Variants in CDK5RAP2 observed in about 807,000 individuals in gnomAD.
CDK5RAP2 encodes CDK5 regulatory subunit-associated protein 2.
In CDK5RAP2, 147 loss-of-function variants were observed where a neutral mutation model predicts 232.9. That is an observed-to-expected ratio of 0.63 (90% CI 0.55 to 0.72). CDK5RAP2 has a LOEUF of 0.72. Ranked by LOEUF, CDK5RAP2 falls within the 30% of genes least tolerant of loss-of-function variation. The probability of loss-of-function intolerance (pLI) is 0.00; values close to 1 mark genes in which losing one functional copy is unlikely to be tolerated. For missense variants in CDK5RAP2, 2,195 were observed against 2,231.5 expected (o/e 0.98, Z 0.33); for synonymous variants, 833 against 833.7 (o/e 1.00, Z 0.01).
chr9:120,446,585 A>G (rs1050812261), intron 22 of CDK5RAP2, among the ~76,000 whole-genome samples: 1 of 152,086 alleles, frequency 6.6e-6, no homozygotes, highest in Non-Finnish European at 1.5e-5. Context: ...AAACCCTCCA[A>G]AAGTTTCCAA....
At chr9:120,401,699 T>C (rs2033032739) in intron 34 of CDK5RAP2, among the ~76,000 whole-genome samples, 1 of 151,038 alleles carries the variant, frequency 6.6e-6, no homozygotes. Context: ...AATGAAAATA[T>C]CTGGGCTGGG....
intron 3 of CDK5RAP2, among the ~76,000 whole-genome samples, chr9:120,558,148 G>A (rs928418049): frequency 1.0e-4 from 15 of 147,300 alleles, no homozygotes; most frequent in Admixed American, 6.7e-4. Context: ...GCCGAGGCAG[G>A]CAGATCATGA....
intron 27 of CDK5RAP2, 68 bp from the exon 28 acceptor site, chr9:120,415,227 T>C (rs1032514780): frequency 1.6e-5 from 25 of 1,564,540 alleles, no homozygotes; most frequent in Non-Finnish European, 2.2e-5. Context: ...TTATGGATTA[T>C]GCAGGGATCC....
At chr9:120,542,329 AC>A (rs2041667595) in intron 5 of CDK5RAP2, among the ~76,000 whole-genome samples, 1 of 152,078 alleles carries the variant, frequency 6.6e-6, no homozygotes, top group Non-Finnish European at 1.5e-5. Context: ...ACATGGTGAA[AC>A]CCTGTCTCTA....
Position 120,407,091 on chromosome 9 carries a change from C to T in CDK5RAP2, c.4884G>A (p.Glu1628=). The change falls in exon 32 of 38, where the codon GAG becomes GAA. Residue 1628 remains glutamate, a synonymous_variant. Coordinates refer to ENST00000349780, the MANE Select transcript of CDK5RAP2 (RefSeq NM_018249.6). ...RLKEQLARGA[E]KAQEGALTLA... Reference sequence around the variant, plus strand: ...GAGTGAGGGCTCCTTCCTGTGCCTTCTCTGCCCCCCTTGCCAGCTGTTCCT... The same window carrying T: ...GAGTGAGGGCTCCTTCCTGTGCCTTTTCTGCCCCCCTTGCCAGCTGTTCCT... 6.2e-7 allele frequency: 1 copy of T among 1,614,134 alleles called. No homozygotes were observed. Among genetic ancestry groups the T allele is most frequent in the Non-Finnish European group, 8.5e-7 (1 of 1,180,044 alleles).
intron 3 of CDK5RAP2, among the ~76,000 whole-genome samples, chr9:120,560,624 C>CT (rs1179629785): frequency 7.9e-5 from 12 of 151,278 alleles, no homozygotes; most frequent in South Asian, 2.1e-4. Flanking sequence ...GGTATTGTCT[C>CT]TTTTTTTTTG....
At chr9:120,438,572 T>C (rs549060742) in intron 24 of CDK5RAP2, among the ~76,000 whole-genome samples, 2 of 152,324 alleles carry the variant, frequency 1.3e-5, no homozygotes, top group South Asian at 2.1e-4. Context: ...GAATGTTCTC[T>C]GCCAAGTCAC....
intron 5 of CDK5RAP2, 104 bp from the exon 6 acceptor site, chr9:120,539,268 G>T: frequency 7.2e-7 from 1 of 1,392,064 alleles, no homozygotes; most frequent in Non-Finnish European, 1.0e-6. Context: ...TTCTCCCACA[G>T]ACCTGTGCTG....
At position 120,537,395 on chromosome 9, in the gene CDK5RAP2, G is replaced by A. The variant is rs1052446595; in HGVS notation, c.508-869C>T. Among the ~76,000 whole-genome samples, 6 of 152,036 alleles carry A rather than the reference G, an allele frequency of 3.9e-5. No homozygotes were observed. The South Asian group carries it at 1.0e-3, about 26-fold the overall frequency. On this transcript the variant is annotated intron_variant, in intron 6 of 37. Coordinates refer to ENST00000349780, the MANE Select transcript of CDK5RAP2 (RefSeq NM_018249.6). ...CCCTGCCCTTGCCCTCCACAGTGCC[G>A]CCCCCACCACTATCTCCCCAAGGGG... is the stretch of plus-strand genomic sequence containing the variant.
intron 15 of CDK5RAP2, 134 bp downstream of exon 15, chr9:120,477,216 T>C: frequency 1.3e-6 from 1 of 752,154 alleles, no homozygotes; most frequent in South Asian, 1.4e-5. Context: ...CCAAGCTTTA[T>C]AAGCTCCATA....
chr9:120,413,932 C>A (rs930809991), intron 28 of CDK5RAP2, among the ~76,000 whole-genome samples: 22 of 152,214 alleles, frequency 1.4e-4, no homozygotes, highest in Middle Eastern at 3.4e-3. Flanking sequence ...GATGTCCCTC[C>A]CGGCTGGTAG....
At chr9:120,544,449 A>G (rs905740820) in intron 5 of CDK5RAP2, among the ~76,000 whole-genome samples, 2 of 152,256 alleles carry the variant, frequency 1.3e-5, no homozygotes, top group Non-Finnish European at 2.9e-5. Context: ...TTCAGAAAAT[A>G]CCAAGTGTGC....
At chr9:120,414,958 T>C (rs551387515) in intron 28 of CDK5RAP2, 82 bp downstream of exon 28, 8 of 1,508,688 alleles carry the variant, frequency 5.3e-6, no homozygotes, top group African/African-American at 2.7e-5. Context: ...ACCTGCTTTG[T>C]ACACAGATGC....
At chr9:120,459,175 C>T (rs544820839) in intron 19 of CDK5RAP2, among the ~76,000 whole-genome samples, 284 of 152,310 alleles carry the variant, frequency 1.9e-3, no homozygotes, top group Middle Eastern at 3.4e-3. Context: ...TGATCTTTCA[C>T]ATTAGGAAGA....
intron 12 of CDK5RAP2, among the ~76,000 whole-genome samples, chr9:120,500,161 A>G (rs1172186294): frequency 2.0e-5 from 3 of 152,344 alleles, no homozygotes; most frequent in Non-Finnish European, 4.4e-5. Context: ...AAGATACCAC[A>G]TGATCGTTAT....
At chr9:120,402,217 T>C (rs558271791) in intron 34 of CDK5RAP2, among the ~76,000 whole-genome samples, 34 of 151,330 alleles carry the variant, frequency 2.2e-4, no homozygotes, top group Non-Finnish European at 4.3e-4. Flanking sequence ...TGCTTGAGCC[T>C]AGGAGGTGGG....
At chr9:120,500,885 G>T (rs899527574) in intron 12 of CDK5RAP2, among the ~76,000 whole-genome samples, 3 of 152,146 alleles carry the variant, frequency 2.0e-5, no homozygotes, top group African/African-American at 7.2e-5. Flanking sequence ...AATACAACCA[G>T]GGCCAGAAGA....
chr9:120,477,485 A>C, intron 14 of CDK5RAP2, 35 bp from the exon 15 acceptor site: 1 of 1,471,332 alleles, frequency 6.8e-7, no homozygotes, highest in Non-Finnish European at 9.5e-7. Context: ...CATTAAGGAA[A>C]GAATTTTGAA....
At chr9:120,469,801 G>C (rs573866673) in intron 17 of CDK5RAP2, among the ~76,000 whole-genome samples, 90 of 152,256 alleles carry the variant, frequency 5.9e-4, no homozygotes, top group Middle Eastern at 3.4e-3. Flanking sequence ...TAAGGACATC[G>C]ATTTGGATTA....
Sources: gnomAD v4.1 joint callset for allele counts (sites outside exome capture counted in the v4.1 genomes callset) on GRCh38, gnomAD v4.1.1 for gene constraint, MANE v1.5 for transcripts, NCBI Gene and HGNC (gene_info 2026-07-23, HGNC 2026-07-21) for gene names.